Variants in TRIQK observed in about 807,000 individuals in gnomAD.
TRIQK encodes triple QxxK/R motif containing.
In TRIQK, 10 loss-of-function variants were observed where a neutral mutation model predicts 10.8. The ratio of observed to expected loss-of-function variants is 0.92; its 90% CI spans 0.57 to 1.57. TRIQK has a LOEUF of 1.57. Among genes scored for constraint, TRIQK ranks in the 40% most tolerant of loss-of-function variants. TRIQK has a pLI of 0.00. For synonymous variants in TRIQK, 33 were observed against 33.7 expected, an observed-to-expected ratio of 0.98 and a Z score of 0.07; for missense variants, 107 against 97.7, an observed-to-expected ratio of 1.09 and a Z score of -0.40.
chr8:92,978,412 G>A (rs1381847492), intron 1 of TRIQK, among the ~76,000 whole-genome samples: 2 of 152,140 alleles, frequency 1.3e-5, no homozygotes, highest in African/African-American at 4.8e-5. Flanking sequence ...TTCAGCTGAA[G>A]TTTAAATCCA....
At position 92,943,298 on chromosome 8, in the gene TRIQK, C is replaced by T. The variant is rs74596314; in HGVS notation, c.-22+11108G>A. Among the ~76,000 whole-genome samples the T allele has an allele frequency of 4.0e-3, 614 of 152,188 alleles. 4 individuals are homozygous for T. Among genetic ancestry groups the T allele is most frequent in the African/African-American group, 0.014 (575 of 41,534 alleles). On this transcript the variant is annotated intron_variant, in intron 2 of 4. Coordinates refer to ENST00000521988, the MANE Select transcript of TRIQK (RefSeq NM_001171797.2). ...ATTCCTGTCAAAATCCCGAAGACAT[C>T]CTTCATACAAGTGGAAAAAAACTAT...
chr8:92,986,937 T>C (rs2130747304), intron 1 of TRIQK, among the ~76,000 whole-genome samples: 1 of 152,296 alleles, frequency 6.6e-6, no homozygotes, highest in Non-Finnish European at 1.5e-5. Flanking sequence ...GAAAGTATTA[T>C]AAATCAGGAC....
intron 1 of TRIQK, among the ~76,000 whole-genome samples, chr8:93,012,689 C>T (rs931341985): frequency 5.9e-5 from 9 of 152,180 alleles, no homozygotes; most frequent in Admixed American, 2.0e-4. Flanking sequence ...AACAAAGTGA[C>T]GCACCAGCTT....
chr8:92,979,190 A>C (rs2130742663), intron 1 of TRIQK, among the ~76,000 whole-genome samples: 1 of 152,214 alleles, frequency 6.6e-6, no homozygotes, highest in East Asian at 1.9e-4. Context: ...TGATAAGATG[A>C]AAGCTTAGCT....
At chr8:92,960,656 G>A (rs145241768) in intron 1 of TRIQK, 2 of 152,334 alleles carry the variant, frequency 1.3e-5, no homozygotes, top group East Asian at 3.9e-4. Flanking sequence ...TTGCTGCAAT[G>A]TTGCTGGCTT....
intron 1 of TRIQK, among the ~76,000 whole-genome samples, chr8:92,958,524 A>G (rs2130700133): frequency 6.6e-6 from 1 of 152,162 alleles, no homozygotes; most frequent in East Asian, 1.9e-4. Context: ...CTTTGGAAAT[A>G]AAACTGTAAA....
intron 1 of TRIQK, among the ~76,000 whole-genome samples, chr8:92,976,899 C>A (rs1244132738): frequency 1.3e-5 from 2 of 151,894 alleles, no homozygotes; most frequent in African/African-American, 2.4e-5. Context: ...AAGCTTGATG[C>A]AGTATATTTC....
At chr8:92,956,002 G>T (rs963268828) in intron 1 of TRIQK, among the ~76,000 whole-genome samples, 5 of 151,824 alleles carry the variant, frequency 3.3e-5, no homozygotes, top group African/African-American at 9.6e-5. Flanking sequence ...GAAAAGTTTG[G>T]CAGCTCCTCA....
intron 1 of TRIQK, among the ~76,000 whole-genome samples, chr8:93,002,881 T>C (rs1813227881): frequency 1.3e-5 from 2 of 151,500 alleles, no homozygotes; most frequent in Admixed American, 1.3e-4. Flanking sequence ...GATCCTGCCA[T>C]TGCACTTCAG....
At chr8:92,920,276 C>T (rs1810107115) in intron 2 of TRIQK, among the ~76,000 whole-genome samples, 1 of 151,560 alleles carries the variant, frequency 6.6e-6, no homozygotes, top group Non-Finnish European at 1.5e-5. Flanking sequence ...TCATAGAATA[C>T]AATGTTACAG....
At chr8:92,985,658 A>C (rs1365547156) in intron 1 of TRIQK, among the ~76,000 whole-genome samples, 1 of 152,204 alleles carries the variant, frequency 6.6e-6, no homozygotes, top group Non-Finnish European at 1.5e-5. Context: ...CCAGGTTGTC[A>C]TAAAACCTCT....
At chr8:92,911,288 A>C (rs954917835) in intron 3 of TRIQK, among the ~76,000 whole-genome samples, 3 of 151,470 alleles carry the variant, frequency 2.0e-5, no homozygotes, top group Non-Finnish European at 4.4e-5. Flanking sequence ...TTCAGAAGAG[A>C]TAAATAGAAA....
intron 3 of TRIQK, among the ~76,000 whole-genome samples, chr8:92,911,397 T>C (rs1586406233): frequency 6.6e-6 from 1 of 150,988 alleles, no homozygotes; most frequent in East Asian, 1.9e-4. Context: ...AGGAAACGAT[T>C]AACAAAAAAT....
At chr8:92,902,542 T>C (rs1809002742) in intron 3 of TRIQK, among the ~76,000 whole-genome samples, 1 of 152,192 alleles carries the variant, frequency 6.6e-6, no homozygotes, top group Non-Finnish European at 1.5e-5. Context: ...TAAAGCCAGG[T>C]ACCGGTTCAC....
At chr8:92,917,571 G>A (rs1057199241) in intron 2 of TRIQK, among the ~76,000 whole-genome samples, 1 of 151,752 alleles carries the variant, frequency 6.6e-6, no homozygotes, top group Non-Finnish European at 1.5e-5. Context: ...TACCTTATAT[G>A]CACTGTTCGA....
chr8:93,006,221 C>T (rs570685752), intron 1 of TRIQK, among the ~76,000 whole-genome samples: 5 of 152,030 alleles, frequency 3.3e-5, no homozygotes, highest in East Asian at 3.9e-4. Context: ...TCTAGAAGAA[C>T]GAAAACAGCA....
chr8:92,976,139 A>G (rs999320495), intron 1 of TRIQK, among the ~76,000 whole-genome samples: 4 of 151,970 alleles, frequency 2.6e-5, no homozygotes, highest in African/African-American at 9.7e-5. Flanking sequence ...GCTTTACTTC[A>G]ATAGCATTCT....
chr8:92,904,010 C>T (rs1054937080), intron 3 of TRIQK, among the ~76,000 whole-genome samples: 11 of 151,838 alleles, frequency 7.2e-5, no homozygotes, highest in Non-Finnish European at 1.5e-4. Context: ...TCATTTGAGC[C>T]TATACTCAAA....
At chr8:92,929,073 T>C (rs1810582229) in intron 2 of TRIQK, among the ~76,000 whole-genome samples, 1 of 152,148 alleles carries the variant, frequency 6.6e-6, no homozygotes, top group South Asian at 2.1e-4. Flanking sequence ...AAACTGAAGA[T>C]GACAATGTTT....
Sources: allele counts gnomAD v4.1 joint callset (sites outside exome capture counted in the v4.1 genomes callset), GRCh38; gene constraint gnomAD v4.1.1; transcripts MANE v1.5; gene names NCBI Gene and HGNC (gene_info 2026-07-23, HGNC 2026-07-21).